Variants in UBE2K observed in about 807,000 individuals in gnomAD.
The protein encoded by UBE2K is ubiquitin conjugating enzyme E2 K.
Under a neutral mutation model 30.0 loss-of-function variants are expected in UBE2K, and 6 were observed. The observed-to-expected ratio is 0.20, with a 90% confidence interval of 0.11 to 0.39. The LOEUF (loss-of-function observed/expected upper bound fraction) is 0.39, where lower values mean the gene tolerates loss of function less well. Among genes scored for constraint, UBE2K ranks in the 10% least tolerant of loss-of-function variants. The pLI, the probability that UBE2K is intolerant of heterozygous loss-of-function variation, is 1.00. For synonymous variants in UBE2K, 86 were observed against 83.7 expected (o/e 1.03, Z -0.15); for missense variants, 61 against 241.6 (o/e 0.25, Z 4.96).
chr4:39,774,564 GACT>G (rs1337268185), intron 4 of UBE2K, among the ~76,000 whole-genome samples: 1 of 151,702 alleles, frequency 6.6e-6, no homozygotes, highest in Non-Finnish European at 1.5e-5. Context: ...AGTGAACCGA[GACT>G]ATACCACTGC....
At position 39,780,719 on chromosome 4, in the gene UBE2K, A is replaced by G. The variant is rs1192410320; in HGVS notation, c.*2285A>G. 1.3e-5 allele frequency: 2 copies of G among 151,858 alleles called. No individual in the cohort carries two copies. The highest frequency in any genetic ancestry group is 2.9e-5 in the Non-Finnish European group (2 of 67,890). The allele number at this position is 151,858 out of a possible 1,614,324, so 9.4% of individuals were successfully genotyped here. A position where few individuals can be genotyped will look rare whatever the true frequency, so the allele number is the denominator to read the frequency against. ...TCCTTTCTGGTATATTTCCCACTGTACTGTTTGGTTTTTGTTATTCTCTTG... is the reference window on the plus strand; with the variant it reads ...TCCTTTCTGGTATATTTCCCACTGTGCTGTTTGGTTTTTGTTATTCTCTTG... On this transcript the variant is annotated 3_prime_UTR_variant, in exon 7 of 7. Coordinates refer to ENST00000261427, the MANE Select transcript of UBE2K (RefSeq NM_005339.5).
At chr4:39,756,183 T>G (rs1444466445) in intron 4 of UBE2K, among the ~76,000 whole-genome samples, 1 of 152,244 alleles carries the variant, frequency 6.6e-6, no homozygotes, top group African/African-American at 2.4e-5. Context: ...GTAGGTGATG[T>G]CTTCATTTGG....
rs147823891 is a variant in UBE2K, at chr4:39,718,598, G to T, written c.64-18822G>T. On this transcript the variant is annotated intron_variant, in intron 1 of 6. Transcript: ENST00000261427. Reference sequence around the variant, plus strand: ...CAGGCCACGCAGGAGCCCACGGCAGGGGGGCAGGACTCAGGCATGGCGGGC... The same window carrying T: ...CAGGCCACGCAGGAGCCCACGGCAGTGGGGCAGGACTCAGGCATGGCGGGC... 4.2e-3 allele frequency among the ~76,000 whole-genome samples: 637 copies of T among 152,358 alleles called. 2 individuals are homozygous for T. The highest frequency in any genetic ancestry group is 0.021 in the East Asian group (108 of 5,180).
At chr4:39,751,305 A>G (rs888932223) in intron 3 of UBE2K, among the ~76,000 whole-genome samples, 1 of 152,142 alleles carries the variant, frequency 6.6e-6, no homozygotes, top group Non-Finnish European at 1.5e-5. Flanking sequence ...TAGTTCAGTA[A>G]TTTAATTGGG....
chr4:39,727,778 A>G (rs1415716962), intron 1 of UBE2K, among the ~76,000 whole-genome samples: 1 of 151,844 alleles, frequency 6.6e-6, no homozygotes. Context: ...GTATTGTGTC[A>G]TGGTGTAAAT....
chr4:39,731,276 T>C (rs771304024), intron 1 of UBE2K, among the ~76,000 whole-genome samples: 3 of 152,210 alleles, frequency 2.0e-5, no homozygotes, highest in African/African-American at 4.8e-5. Context: ...ATACTGCTCG[T>C]CTAGAACTTG....
intron 1 of UBE2K, 139 bp from the exon 2 acceptor site, chr4:39,737,281 C>T (rs1720430135): frequency 2.1e-6 from 1 of 474,946 alleles, no homozygotes; most frequent in South Asian, 4.7e-5. Flanking sequence ...ATAATTAAGT[C>T]CTAGAAAAGC....
chr4:39,706,366 A>G (rs1718364425), intron 1 of UBE2K, among the ~76,000 whole-genome samples: 1 of 149,956 alleles, frequency 6.7e-6, no homozygotes, highest in African/African-American at 2.5e-5. Flanking sequence ...GTTTCATTGT[A>G]TTGGCCAGGC....
chr4:39,756,848 A>C (rs1166586352), intron 4 of UBE2K, among the ~76,000 whole-genome samples: 1 of 152,124 alleles, frequency 6.6e-6, no homozygotes, highest in Non-Finnish European at 1.5e-5. Flanking sequence ...ACTCTTTTAC[A>C]AGAGAAGGTA....
chr4:39,758,208 C>G (rs1241751597), intron 4 of UBE2K, among the ~76,000 whole-genome samples: 1 of 152,160 alleles, frequency 6.6e-6, no homozygotes, highest in East Asian at 1.9e-4. Flanking sequence ...TCTCTGGTAC[C>G]CCATGCCCTG....
rs578106452 is a variant in UBE2K at position 39,779,747 on chromosome 4, A to C, written c.*1313A>C. On this transcript the variant is annotated 3_prime_UTR_variant, in exon 7 of 7. Transcript: ENST00000261427. ...TATGCAGGCAGTTCTATATATAGAA[A>C]TACAATTCTTTTTAAATTTTTAGGA... 6.6e-6 allele frequency: 1 copy of C among 152,406 alleles called. No homozygotes were observed. The highest frequency in any genetic ancestry group is 6.5e-5 in the Admixed American group (1 of 15,288). The allele number at this position is 152,406 out of a possible 1,614,324, so 9.4% of individuals were successfully genotyped here.
intron 1 of UBE2K, among the ~76,000 whole-genome samples, chr4:39,732,929 G>GC (rs1474453747): frequency 6.6e-6 from 1 of 151,716 alleles, no homozygotes; most frequent in Non-Finnish European, 1.5e-5. Flanking sequence ...ATCTGCCTCG[G>GC]CCTCCTAGAG....
chr4:39,765,396 AGTCTGT>A (rs1256282171), intron 4 of UBE2K, among the ~76,000 whole-genome samples: 2 of 151,748 alleles, frequency 1.3e-5, no homozygotes, highest in African/African-American at 2.4e-5. Flanking sequence ...TGGTGGCGTG[AGTCTGT>A]AGTCCCAGCT....
At chr4:39,746,416 CA>C (rs1720992914) in intron 3 of UBE2K, among the ~76,000 whole-genome samples, 1 of 152,200 alleles carries the variant, frequency 6.6e-6, no homozygotes, top group Non-Finnish European at 1.5e-5. Flanking sequence ...CTTTTACTGT[CA>C]TCAGCACTTT....
intron 1 of UBE2K, among the ~76,000 whole-genome samples, chr4:39,715,187 G>A (rs991130165): frequency 1.4e-4 from 21 of 151,630 alleles, no homozygotes; most frequent in Non-Finnish European, 2.1e-4. Flanking sequence ...CACCACGCCC[G>A]GATAATTTTT....
intron 1 of UBE2K, among the ~76,000 whole-genome samples, chr4:39,712,469 G>A (rs149074947): frequency 8.0e-4 from 116 of 145,288 alleles, no homozygotes; most frequent in African/African-American, 2.6e-3. Flanking sequence ...TCGCTTTATC[G>A]CCCAGGCTGG....
At chr4:39,704,868 C>A (rs1480373939) in intron 1 of UBE2K, among the ~76,000 whole-genome samples, 2 of 132,474 alleles carry the variant, frequency 1.5e-5, no homozygotes, top group Admixed American at 7.2e-5. Context: ...AGACTATACA[C>A]CTTTTTTTTT....
intron 4 of UBE2K, among the ~76,000 whole-genome samples, chr4:39,765,422 G>T (rs894154307): frequency 2.0e-5 from 3 of 151,978 alleles, no homozygotes; most frequent in African/African-American, 7.2e-5. Context: ...TACTTGGGAG[G>T]CTGAGGTTGG....
chr4:39,728,282 A>G (rs569003210), intron 1 of UBE2K, among the ~76,000 whole-genome samples: 13 of 152,296 alleles, frequency 8.5e-5, no homozygotes, highest in Non-Finnish European at 1.6e-4. Context: ...GAGTTATTAC[A>G]TGTACATCAG....
Sources: allele counts gnomAD v4.1 joint callset (sites outside exome capture counted in the v4.1 genomes callset), GRCh38; gene constraint gnomAD v4.1.1; transcripts MANE v1.5; gene names NCBI Gene and HGNC (gene_info 2026-07-23, HGNC 2026-07-21).